Variants in TRIOBP observed in about 807,000 individuals in gnomAD.
TRIOBP encodes the protein TRIO and F-actin-binding protein.
TRIOBP carries 169 observed loss-of-function variants against 238.8 expected under a neutral mutation model. The ratio of observed to expected loss-of-function variants is 0.71; its 90% confidence interval spans 0.62 to 0.80. The LOEUF is 0.80. Ranked by LOEUF, TRIOBP falls within the 30% of genes least tolerant of loss-of-function variation. The probability of loss-of-function intolerance (pLI) is 0.00; values close to 1 mark genes in which losing one functional copy is unlikely to be tolerated. For synonymous variants in TRIOBP, 1,150 were observed against 1,274.4 expected (o/e 0.90, Z 2.08); for missense variants, 2,838 against 3,122.6 (o/e 0.91, Z 2.17).
intron 8 of TRIOBP, among the ~76,000 whole-genome samples, chr22:37,733,666 CTTTTTT>C (rs529942326): frequency 2.1e-5 from 2 of 97,370 alleles, no homozygotes; most frequent in Admixed American, 1.1e-4. Context: ...GCACTGCTGT[CTTTTTT>C]TTTTTTTTTT....
At chr22:37,707,238 C>T (rs556933562) in intron 3 of TRIOBP, among the ~76,000 whole-genome samples, 3 of 151,942 alleles carry the variant, frequency 2.0e-5, no homozygotes, top group South Asian at 2.1e-4. Context: ...ATCTGGCCAC[C>T]GCACTCCAGC....
chr22:37,731,273 G>T (rs1419563714), intron 7 of TRIOBP, among the ~76,000 whole-genome samples: 6 of 151,784 alleles, frequency 4.0e-5, no homozygotes, highest in Admixed American at 3.9e-4. Context: ...AAGTAGCTGG[G>T]ACTACAGCCA....
At chr22:37,707,544 T>A (rs1426954777) in intron 3 of TRIOBP, among the ~76,000 whole-genome samples, 1 of 152,036 alleles carries the variant, frequency 6.6e-6, no homozygotes, top group East Asian at 1.9e-4. Flanking sequence ...AGGGACCAAA[T>A]TTAGCCCATT....
rs1242475954 is a variant in TRIOBP at position 37,719,998 on chromosome 22, CCCTTTTTT to C, written c.629-3186_629-3179del. Among the ~76,000 whole-genome samples, 100 of 13,874 alleles carry C rather than the reference CCCTTTTTT, an allele frequency of 7.2e-3. 4 individuals carry two copies. The highest frequency in any genetic ancestry group is 0.015 in the Admixed American group (18 of 1,216). 9.1% of individuals were successfully genotyped at this position (13,874 alleles called of 152,430 possible). On this transcript the variant is annotated intron_variant, in intron 6 of 23. Coordinates refer to ENST00000644935, the MANE Select transcript of TRIOBP (RefSeq NM_001039141.3). Reference sequence around the variant, plus strand: ...TCACTGTTTCACTCATCCCCCCCCGCCCTTTTTTTTTTTTTTTTTTTTTTTTTTGAGAC... The same window carrying C: ...TCACTGTTTCACTCATCCCCCCCCGCTTTTTTTTTTTTTTTTTTTTGAGAC...
At chr22:37,759,342 T>G (rs1365066183) in intron 17 of TRIOBP, 78 bp downstream of exon 17, 3 of 1,457,552 alleles carry the variant, frequency 2.1e-6, no homozygotes, top group South Asian at 1.1e-5. Flanking sequence ...GCTGAGATTT[T>G]GGGAGCCCTT....
At chr22:37,718,445 G>A (rs1166080506) in intron 6 of TRIOBP, among the ~76,000 whole-genome samples, 1 of 152,102 alleles carries the variant, frequency 6.6e-6, no homozygotes, top group Non-Finnish European at 1.5e-5. Context: ...TGAGAGAAAG[G>A]CACCCTTAGG....
chr22:37,758,223 C>G, intron 16 of TRIOBP, 85 bp downstream of exon 16: 1 of 1,539,802 alleles, frequency 6.5e-7, no homozygotes, highest in South Asian at 1.2e-5. Flanking sequence ...ATTTGTCTTG[C>G]ACTCCTACAG....
In TRIOBP at chr22:37,734,495, C is replaced by T. The variant is rs370108541; in HGVS notation, c.4159C>T (p.Arg1387Trp). 8 of 1,610,774 alleles carry T rather than the reference C, an allele frequency of 5.0e-6. No individual in the cohort carries two copies. The highest frequency in any genetic ancestry group is 1.3e-5 in the African/African-American group (1 of 74,884). Residue 1387 changes from arginine (R) to tryptophan (W), a missense_variant, in exon 9 of 24, where the codon CGG (arginine) becomes TGG (tryptophan). Transcript: ENST00000644935. ...WSPEKRPEGD[R>W]QLQGSPLPPR... The stretch of plus-strand genomic sequence containing the variant: ...TCCTGAGAAGAGACCTGAGGGAGAT[C>T]GGCAGCTCCAGGGGTCCCCGCTGCC...
In TRIOBP at chr22:37,774,640, G is replaced by GA. The variant is rs1455133607; in HGVS notation, c.*864dup. 3.9e-5 allele frequency: 6 copies of GA among 152,364 alleles called. No individual in the cohort carries two copies. The East Asian group carries it at 5.8e-4, about 15-fold the overall frequency. 9.4% of individuals were successfully genotyped at this position (152,364 alleles called of 1,614,324 possible). A position where few individuals can be genotyped will look rare whatever the true frequency, so the allele number is the denominator to read the frequency against. On this transcript the variant is annotated 3_prime_UTR_variant, in exon 24 of 24. Coordinates refer to ENST00000644935, the MANE Select transcript of TRIOBP (RefSeq NM_001039141.3). ...CCTCTAGGCTTCTGAGGGTGGGGCT[G>GA]AAAATCCAAGGTCTCCCTTAGTACA...
intron 7 of TRIOBP, among the ~76,000 whole-genome samples, chr22:37,728,311 G>A (rs1178419942): frequency 6.6e-6 from 1 of 150,610 alleles, no homozygotes; most frequent in Non-Finnish European, 1.5e-5. Context: ...GCACACGCCT[G>A]TAGTCCCAGC....
intron 12 of TRIOBP, among the ~76,000 whole-genome samples, chr22:37,753,670 G>A (rs1248057204): frequency 1.3e-5 from 2 of 152,218 alleles, no homozygotes; most frequent in Non-Finnish European, 1.5e-5. Context: ...AGAGAGAAAG[G>A]GAACTCTTGG....
chr22:37,759,790 A>G (rs1231942517), intron 17 of TRIOBP: 6 of 1,358,206 alleles, frequency 4.4e-6, no homozygotes, highest in Middle Eastern at 2.8e-4. Context: ...CCTTGGGGAC[A>G]TTTGGCTGTG....
rs1284466442 is a variant in TRIOBP, at chr22:37,700,110, C to G, written c.-60-1196C>G. On this transcript the variant is annotated intron_variant, in intron 2 of 23. Coordinates refer to ENST00000644935, the MANE Select transcript of TRIOBP (RefSeq NM_001039141.3). ...CAGGCTGGTCTTGAACTCCTGGCCT[C>G]AAGTGATCTGCCTGCCTCAGCCTCC... Among the ~76,000 whole-genome samples, 10 of 152,084 alleles carry G rather than the reference C, an allele frequency of 6.6e-5. No homozygotes were observed. In the East Asian group the frequency reaches 7.8e-4, roughly 12 times the overall value.
chr22:37,719,991 C>CACTGCACTCACTGTTTCACT (rs1923740437), intron 6 of TRIOBP, among the ~76,000 whole-genome samples: 2 of 35,722 alleles, frequency 5.6e-5, no homozygotes. Flanking sequence ...TCACTCATCC[C>CACTGCACTCACTGTTTCACT]CCCCCGCCCT....
intron 17 of TRIOBP, chr22:37,760,152 A>T (rs1228161010): frequency 6.5e-6 from 1 of 152,932 alleles, no homozygotes; most frequent in African/African-American, 2.4e-5. Context: ...GCTAGATCGG[A>T]TAGTAGTTTT....
intron 21 of TRIOBP, among the ~76,000 whole-genome samples, chr22:37,770,196 T>A (rs1569064272): frequency 7.0e-6 from 1 of 142,738 alleles, no homozygotes; most frequent in African/African-American, 2.6e-5. Flanking sequence ...CCCAGCACTT[T>A]GGGAGGCCGA....
In TRIOBP at chr22:37,746,215, G is replaced by GAA. The variant is rs58335859; in HGVS notation, c.5322+5199_5322+5200dup. 94,421 of 926,654 alleles carry GAA rather than the reference G, an allele frequency of 0.1. 386 individuals are homozygous for GAA. The highest frequency in any genetic ancestry group is 0.11 in the South Asian group (2,190 of 20,216). 57.4% of individuals were successfully genotyped at this position (926,654 alleles called of 1,614,324 possible). A position where few individuals can be genotyped will look rare whatever the true frequency, so the allele number is the denominator to read the frequency against. On this transcript the variant is annotated intron_variant, in intron 11 of 23. Coordinates refer to ENST00000644935, the MANE Select transcript of TRIOBP (RefSeq NM_001039141.3). ...CCGCTCGGGTCCTCCCAGGAAGTTT[G>GAA]AAAAAAAAAAAAAAAAAGTTTTATG... is the stretch of plus-strand genomic sequence containing the variant.
At chr22:37,701,508 G>T in intron 3 of TRIOBP, 29 bp downstream of exon 3, 1 of 1,524,224 alleles carries the variant, frequency 6.6e-7, no homozygotes, top group Non-Finnish European at 9.0e-7. Context: ...TGGTTGGGGT[G>T]GTTTGTGATG....
Position 37,733,355 on chromosome 22 carries a change from C to T in TRIOBP, c.4005C>T (p.Pro1335=). 6.4e-7 allele frequency: 1 copy of T among 1,551,522 alleles called. No homozygotes were observed. The part of the protein sequence containing the change: ...QAQDEGRSQQ[P]SQGQSQLLRR... ...AGGACGAGGGACGGTCACAGCAGCC[C>T]AGCCAAGGCCAGAGCCAACTTCTCC... The change falls in exon 8 of 24, where the codon CCC becomes CCT. Residue 1335 remains proline, a synonymous_variant. Transcript: ENST00000644935.
Sources: gnomAD v4.1 joint callset for allele counts (sites outside exome capture counted in the v4.1 genomes callset) on GRCh38, gnomAD v4.1.1 for gene constraint, MANE v1.5 for transcripts, NCBI Gene and HGNC (gene_info 2026-07-23, HGNC 2026-07-21) for gene names.